Variants in NARS1 observed in about 807,000 individuals in gnomAD.
The protein encoded by NARS1 is asparaginyl-tRNA synthetase 1.
Under a neutral mutation model 79.2 loss-of-function variants are expected in NARS1, and 65 were observed. The ratio of observed to expected loss-of-function variants is 0.82; its 90% CI spans 0.67 to 1.01. NARS1 has a LOEUF of 1.01. NARS1 is among the 50% of genes least tolerant of loss of function. The pLI is 0.00. For missense variants in NARS1, 649 were observed against 673.8 expected (o/e 0.96, Z 0.41); for synonymous variants, 229 against 238.8 (o/e 0.96, Z 0.38).
rs1907994022 is a variant in NARS1 at position 57,615,720 on chromosome 18, C to G, written c.263G>C (p.Ser88Thr). The stretch of plus-strand genomic sequence containing the variant: ...TTCCAGGTTCTTTTCTCTTCGTAAA[C>G]TATCTTCTGCCTAATTTTAATGATG... ...ESREKKEAED[S>T]LRREKNLEEA... The change falls in exon 4 of 14, where the codon AGT (serine) becomes ACT (threonine). Residue 88 changes from serine to threonine, a missense_variant. Ser to Thr is a moderately conservative substitution (Grantham distance 58, BLOSUM62 1). Coordinates refer to ENST00000256854, the MANE Select transcript of NARS1 (RefSeq NM_004539.4). 6.2e-7 allele frequency: 1 copy of G among 1,612,376 alleles called. No homozygotes were observed. The highest frequency in any genetic ancestry group is 8.5e-7 in the Non-Finnish European group (1 of 1,179,396).
At position 57,605,923 on chromosome 18, in the gene NARS1, A is replaced by T; in HGVS notation, c.1185T>A (p.Asp395Glu). ...KRPFKRMNYS[D>E]AIVWLKEHDV... ...CATGTTCTTTTAGCCAAACGATAGC[A>T]TCTGAATAGTTCATCCGTTTGAAAG... is the stretch of plus-strand genomic sequence containing the variant. The change falls in exon 11 of 14, where the codon GAT becomes GAA. Residue 395 changes from aspartate to glutamate, a missense_variant. Transcript: ENST00000256854. The T allele has an allele frequency of 6.2e-7, 1 of 1,613,872 alleles. No homozygotes were observed. The highest frequency in any genetic ancestry group is 8.5e-7 in the Non-Finnish European group (1 of 1,179,870).
In NARS1 at chr18:57,609,391, T is replaced by C. The variant is rs1342885017; in HGVS notation, c.545A>G (p.Tyr182Cys). ...LLSTESSVAV[Y>C]GMLNLTPKGK... ...CTTTGGGGTAAGATTTAGCATTCCATACACTGCAACACTGCTCTCCGTGGA... is the reference window on the plus strand; with the variant it reads ...CTTTGGGGTAAGATTTAGCATTCCACACACTGCAACACTGCTCTCCGTGGA... Residue 182 changes from tyrosine (Y) to cysteine (C), a missense_variant, in exon 7 of 14, where the codon TAT becomes TGT. Physicochemically the swap from Tyr to Cys is radical, Grantham distance 194 (BLOSUM62 -2). Transcript: ENST00000256854. 3.7e-6 allele frequency: 6 copies of C among 1,613,930 alleles called. No homozygotes were observed. The African/African-American group carries it at 6.7e-5, about 18-fold the overall frequency.
chr18:57,602,284 T>A (rs1021037945), intron 13 of NARS1, 71 bp downstream of exon 13: 1 of 1,444,922 alleles, frequency 6.9e-7, no homozygotes, highest in Non-Finnish European at 9.5e-7. Flanking sequence ...TTCTCCCCTT[T>A]TAAAAATTTC....
rs1269713050 is a variant in NARS1 at position 57,621,781 on chromosome 18, C to T, written c.-64G>A. On this transcript the variant is annotated 5_prime_UTR_variant, in exon 1 of 14. Coordinates refer to ENST00000256854, the MANE Select transcript of NARS1 (RefSeq NM_004539.4). ...GCAACACCGACGCCGTCTTATGACT[C>T]CAACGTGCACCGGCGGTTTCCGCGA... 3 of 1,611,878 alleles carry T rather than the reference C, an allele frequency of 1.9e-6. No individual in the cohort carries two copies. Among genetic ancestry groups the T allele is most frequent in the East Asian group, 2.2e-5 (1 of 44,686 alleles).
rs1205486267 is a variant in NARS1, at chr18:57,601,149, TATAC to T, written c.*499_*502del. The T allele has an allele frequency of 1.3e-5, 2 of 152,716 alleles. No homozygotes were observed. The highest frequency in any genetic ancestry group is 4.8e-5 in the African/African-American group (2 of 41,462). 9.5% of individuals were successfully genotyped at this position (152,716 alleles called of 1,614,324 possible). A position where few individuals can be genotyped will look rare whatever the true frequency, so the allele number is the denominator to read the frequency against. On this transcript the variant is annotated 3_prime_UTR_variant, in exon 14 of 14. Transcript: ENST00000256854. The stretch of plus-strand genomic sequence containing the variant: ...TTGATTCTAGTGTTTACTGCTGAAT[TATAC>T]TGTGTTCTAATATGAGCAGATTTTT...
chr18:57,602,673 G>T, intron 12 of NARS1, 139 bp downstream of exon 12: 3 of 1,270,368 alleles, frequency 2.4e-6, no homozygotes, highest in Non-Finnish European at 3.2e-6. Flanking sequence ...AGGGGAGGGT[G>T]AAAAAACCCA....
At chr18:57,604,086 G>A (rs1472773677) in intron 11 of NARS1, among the ~76,000 whole-genome samples, 1 of 152,176 alleles carries the variant, frequency 6.6e-6, no homozygotes, top group African/African-American at 2.4e-5. Flanking sequence ...GGGGGTCACT[G>A]GTCTTCAGTT....
chr18:57,605,909 A>G lies in NARS1; in HGVS notation c.1199T>C (p.Leu400Pro). 6.2e-7 allele frequency: 1 copy of G among 1,613,660 alleles called. No individual in the cohort carries two copies. The highest frequency in any genetic ancestry group is 8.5e-7 in the Non-Finnish European group (1 of 1,179,732). Reference sequence around the variant, plus strand: ...TTCTTTCTTTACATCATGTTCTTTTAGCCAAACGATAGCATCTGAATAGTT... The same window carrying G: ...TTCTTTCTTTACATCATGTTCTTTTGGCCAAACGATAGCATCTGAATAGTT... ...RMNYSDAIVW[L>P]KEHDVKKEDG... Residue 400 changes from leucine (L) to proline (P), a missense_variant, in exon 11 of 14, where the codon CTA (leucine) becomes CCA (proline). By Grantham distance (98) the Leu-to-Pro change is moderately conservative (BLOSUM62 -3). Coordinates refer to ENST00000256854, the MANE Select transcript of NARS1 (RefSeq NM_004539.4).
intron 2 of NARS1, among the ~76,000 whole-genome samples, chr18:57,618,439 A>T (rs183854795): frequency 3.5e-4 from 54 of 152,360 alleles, no homozygotes; most frequent in Admixed American, 3.5e-3. Context: ...AAAGAGCCAA[A>T]CTATCAGTTC....
chr18:57,604,417 T>G lies in NARS1; in HGVS notation c.1251+1440A>C, dbSNP rs545513089. On this transcript the variant is annotated intron_variant, in intron 11 of 13. Coordinates refer to ENST00000256854, the MANE Select transcript of NARS1 (RefSeq NM_004539.4). ...AAAAAAAAAAACCAAAAAACCAAAC[T>G]GAATTCACAGAAACAAGAGTGCTTT... is the stretch of plus-strand genomic sequence containing the variant. 2.6e-5 allele frequency among the ~76,000 whole-genome samples: 4 copies of G among 151,364 alleles called. No individual in the cohort carries two copies. In the East Asian group the frequency reaches 5.8e-4, roughly 22 times the overall value.
intron 4 of NARS1, 109 bp from the exon 5 acceptor site, chr18:57,613,789 C>A: frequency 1.2e-6 from 1 of 855,352 alleles, no homozygotes; most frequent in South Asian, 1.6e-5. Flanking sequence ...ACAAATGGTG[C>A]AAAACTGGAG....
Position 57,606,748 on chromosome 18 carries a change from G to A in NARS1, c.1005C>T (p.Tyr335=), listed in dbSNP as rs1568163482. 2 of 1,614,132 alleles carry A rather than the reference G, an allele frequency of 1.2e-6. No individual in the cohort carries two copies. The highest frequency in any genetic ancestry group is 1.7e-6 in the Non-Finnish European group (2 of 1,180,006). Reference sequence around the variant, plus strand: ...AAGGACACTCAGCTTCCACGTGAGTGTACCTGAAGAACGAGACAATAGCTC... The same window carrying A: ...AAGGACACTCAGCTTCCACGTGAGTATACCTGAAGAACGAGACAATAGCTC... ...QSRTRRHLAE[Y]THVEAECPFL... Residue 335 remains tyrosine (Y), a synonymous_variant, in exon 10 of 14, where the codon TAC becomes TAT. Transcript: ENST00000256854.
At position 57,602,595 on chromosome 18, in the gene NARS1, C is replaced by T. The variant is rs995309871; in HGVS notation, c.1384-109G>A. 6.1e-6 allele frequency: 8 copies of T among 1,305,898 alleles called. No individual in the cohort carries two copies. In the Admixed American group the frequency reaches 1.8e-4, roughly 30 times the overall value. The allele number at this position is 1,305,898 out of a possible 1,614,324, so 80.9% of individuals were successfully genotyped here. A position where few individuals can be genotyped will look rare whatever the true frequency, so the allele number is the denominator to read the frequency against. On this transcript the variant is annotated intron_variant, in intron 12 of 13. Coordinates refer to ENST00000256854, the MANE Select transcript of NARS1 (RefSeq NM_004539.4). ...AATTAAGCTCCAAGGGCTAAAGGAG[C>T]CACTATGATCATGTAATATTCAAAT...
At position 57,606,635 on chromosome 18, in the gene NARS1, A is replaced by G. The variant is rs1319867058; in HGVS notation, c.1118T>C (p.Ile373Thr). 6.2e-7 allele frequency: 1 copy of G among 1,614,022 alleles called. No homozygotes were observed. The highest frequency in any genetic ancestry group is 8.5e-7 in the Non-Finnish European group (1 of 1,179,970). Residue 373 changes from isoleucine to threonine, a missense_variant, in exon 10 of 14, where the codon ATA (isoleucine) becomes ACA (threonine). Transcript: ENST00000256854. ...ACCTACCGGGTTGAGCTCATGCACT[A>G]TGCTCCCTGCAGGTGACTTCAATAT... The part of the protein sequence containing the change: ...DRILKSPAGS[I>T]VHELNPNFQP...
chr18:57,601,871 G>T (rs939959753), intron 13 of NARS1, 88 bp from the exon 14 acceptor site: 1 of 1,405,358 alleles, frequency 7.1e-7, no homozygotes, highest in Admixed American at 1.8e-5. Flanking sequence ...ACCATGAAAG[G>T]AGTTAGCTCA....
intron 2 of NARS1, among the ~76,000 whole-genome samples, chr18:57,617,019 A>G (rs1344627887): frequency 2.0e-5 from 3 of 149,950 alleles, no homozygotes; most frequent in Non-Finnish European, 4.4e-5. Flanking sequence ...AAACTCCCCC[A>G]TGTAGAATAC....
intron 5 of NARS1, among the ~76,000 whole-genome samples, 190 bp from the exon 6 acceptor site, chr18:57,611,897 G>A (rs1373445957): frequency 3.3e-5 from 5 of 151,408 alleles, no homozygotes; most frequent in African/African-American, 1.2e-4. Flanking sequence ...CAGATAGCTG[G>A]GACTACAGGC....
At chr18:57,616,104 T>G (rs377738510) in intron 2 of NARS1, 129 bp from the exon 3 acceptor site, 1 of 824,588 alleles carries the variant, frequency 1.2e-6, no homozygotes. Flanking sequence ...AAGCTGATAT[T>G]GGCACAGTGA....
intron 9 of NARS1, 106 bp downstream of exon 9, chr18:57,607,028 A>AT: frequency 8.2e-7 from 1 of 1,213,786 alleles, no homozygotes; most frequent in Non-Finnish European, 1.2e-6. Flanking sequence ...ACCACTTAAT[A>AT]TATCAGTTGG....
Sources: gnomAD v4.1 joint callset for allele counts (sites outside exome capture counted in the v4.1 genomes callset) on GRCh38, gnomAD v4.1.1 for gene constraint, MANE v1.5 for transcripts, NCBI Gene and HGNC (gene_info 2026-07-23, HGNC 2026-07-21) for gene names.